Variants in PARD3B observed in about 807,000 individuals in gnomAD.
The protein encoded by PARD3B is partitioning defective 3 homolog B.
PARD3B carries 103 observed loss-of-function variants against 130.2 expected under a neutral mutation model. The observed-to-expected ratio is 0.79, with a 90% CI of 0.67 to 0.93. The LOEUF is 0.93. Among genes scored for constraint, PARD3B ranks in the 40% least tolerant of loss-of-function variants. The pLI, the probability that PARD3B is intolerant of heterozygous loss-of-function variation, is 0.00. For missense variants in PARD3B, 1,609 were observed against 1,499.2 expected, an observed-to-expected ratio of 1.07 and a Z score of -1.21; for synonymous variants, 583 against 553.2, an observed-to-expected ratio of 1.05 and a Z score of -0.76.
rs1434958134 is a variant in PARD3B at position 205,035,112 on chromosome 2, CT to C, written c.395-12468del. ...TCCTAACCTCAGGTGATCCCCCCCC[CT>C]CAGCCTCCCAAAGTGCTGGGATTAC... is the stretch of plus-strand genomic sequence containing the variant. On this transcript the variant is annotated intron_variant, in intron 3 of 22. Coordinates refer to ENST00000406610, the MANE Select transcript of PARD3B (RefSeq NM_001302769.2). Among the ~76,000 whole-genome samples, 18 of 152,214 alleles carry C rather than the reference CT, an allele frequency of 1.2e-4. No homozygotes were observed. The South Asian group carries it at 1.7e-3, about 14-fold the overall frequency.
Position 205,274,026 on chromosome 2 carries a change from C to T in PARD3B, c.2186-26504C>T, listed in dbSNP as rs1217473882. Among the ~76,000 whole-genome samples, 2 of 152,098 alleles carry T rather than the reference C, an allele frequency of 1.3e-5. No homozygotes were observed. The highest frequency in any genetic ancestry group is 2.9e-5 in the Non-Finnish European group (2 of 68,026). ...TAATTACTCTGGTTACTTCATTGCA[C>T]ATTTGAGGATTGGCTCCTGTTTTGT... On this transcript the variant is annotated intron_variant, in intron 16 of 22. Transcript: ENST00000406610. This position sits in a 1 kb window ranked among gnomAD's most constrained non-coding sequence, Gnocchi z 4.2.
chr2:205,082,260 T>C (rs1196781339), intron 4 of PARD3B, among the ~76,000 whole-genome samples: 1 of 152,144 alleles, frequency 6.6e-6, no homozygotes, highest in Non-Finnish European at 1.5e-5. Context: ...CCACAGGAAA[T>C]ACATTCCAAG....
At chr2:205,544,530 A>G (rs575166970) in intron 21 of PARD3B, among the ~76,000 whole-genome samples, 4 of 152,244 alleles carry the variant, frequency 2.6e-5, no homozygotes, top group East Asian at 1.9e-4. Context: ...CATAGTTTCT[A>G]TGGTAACTGT....
chr2:204,665,533 A>G (rs1054416261), intron 1 of PARD3B, among the ~76,000 whole-genome samples: 8 of 152,188 alleles, frequency 5.3e-5, no homozygotes, highest in Non-Finnish European at 1.0e-4. Flanking sequence ...TTTTACACAG[A>G]TCATTGAGTC....
At position 204,623,263 on chromosome 2, in the gene PARD3B, C is replaced by A. The variant is rs1445099409; in HGVS notation, c.121-62918C>A. 1.3e-5 allele frequency among the ~76,000 whole-genome samples: 2 copies of A among 152,094 alleles called. No individual in the cohort carries two copies. Among genetic ancestry groups the A allele is most frequent in the African/African-American group, 4.8e-5 (2 of 41,432 alleles). On this transcript the variant is annotated intron_variant, in intron 1 of 22. Transcript: ENST00000406610. The surrounding 1 kb of genome is among the most constrained non-coding windows in gnomAD (Gnocchi z 4.5). ...GTGTTAAATAGCTATAGGACAATATCAAAACCAGCATAAAAATCAGAATAT... is the reference window on the plus strand; with the variant it reads ...GTGTTAAATAGCTATAGGACAATATAAAAACCAGCATAAAAATCAGAATAT...
chr2:204,629,577 C>T lies in PARD3B; in HGVS notation c.121-56604C>T, dbSNP rs938297038. ...TCTGCTGCACATACTTTTGTTCTCACGAATCACTGATTTTTCCAGTAGTAT... is the reference window on the plus strand; with the variant it reads ...TCTGCTGCACATACTTTTGTTCTCATGAATCACTGATTTTTCCAGTAGTAT... On this transcript the variant is annotated intron_variant, in intron 1 of 22. Coordinates refer to ENST00000406610, the MANE Select transcript of PARD3B (RefSeq NM_001302769.2). Among the ~76,000 whole-genome samples the T allele has an allele frequency of 7.2e-5, 11 of 151,918 alleles. No individual in the cohort carries two copies. In the East Asian group the frequency reaches 7.7e-4, roughly 11 times the overall value.
At chr2:204,990,038 A>G (rs1346648775) in intron 3 of PARD3B, among the ~76,000 whole-genome samples, 3 of 152,156 alleles carry the variant, frequency 2.0e-5, no homozygotes, top group South Asian at 4.1e-4. Context: ...TCTTTAAACT[A>G]CTAAATGTAA....
rs2042310294 is a variant in PARD3B, at chr2:205,309,812, T to G, written c.2630+8111T>G. On this transcript the variant is annotated intron_variant, in intron 18 of 22. Coordinates refer to ENST00000406610, the MANE Select transcript of PARD3B (RefSeq NM_001302769.2). This position sits in a 1 kb window ranked among gnomAD's most constrained non-coding sequence, Gnocchi z 4.7. The stretch of plus-strand genomic sequence containing the variant: ...GTATAATAACACATCCTGTCCAGGT[T>G]GTTGTAAAATTTAAGTTAAACGGTT... Among the ~76,000 whole-genome samples, 3 of 152,202 alleles carry G rather than the reference T, an allele frequency of 2.0e-5. No individual in the cohort carries two copies. Among genetic ancestry groups the G allele is most frequent in the Admixed American group, 1.3e-4 (2 of 15,266 alleles).
intron 19 of PARD3B, among the ~76,000 whole-genome samples, chr2:205,437,385 G>A (rs1268014334): frequency 2.0e-5 from 3 of 152,032 alleles, no homozygotes; most frequent in Admixed American, 6.6e-5. Flanking sequence ...GCCTTTTAAG[G>A]TATATATTAA....
At chr2:205,403,651 C>G (rs1388593260) in intron 19 of PARD3B, among the ~76,000 whole-genome samples, 1 of 152,176 alleles carries the variant, frequency 6.6e-6, no homozygotes, top group African/African-American at 2.4e-5. Context: ...CCATACCAGA[C>G]TTACAGAATC....
intron 19 of PARD3B, among the ~76,000 whole-genome samples, chr2:205,404,186 C>T (rs1345428933): frequency 1.3e-5 from 2 of 152,028 alleles, no homozygotes; most frequent in African/African-American, 2.4e-5. Flanking sequence ...TTCAACCAAC[C>T]GCAGATTGAA....
At chr2:205,286,144 GT>G (rs910454003) in intron 16 of PARD3B, among the ~76,000 whole-genome samples, 4 of 151,270 alleles carry the variant, frequency 2.6e-5, no homozygotes, top group South Asian at 2.1e-4. Context: ...GAACAAAACA[GT>G]TTTTTTTTCT....
chr2:205,522,977 C>CCCATATACTATT (rs1268679924), intron 21 of PARD3B, among the ~76,000 whole-genome samples: 27 of 151,568 alleles, frequency 1.8e-4, no homozygotes, highest in Middle Eastern at 3.4e-3. Flanking sequence ...GGTTAAAATT[C>CCCATATACTATT]CCATATACTG....
At chr2:204,971,406 T>C (rs547671890) in intron 3 of PARD3B, among the ~76,000 whole-genome samples, 2 of 152,182 alleles carry the variant, frequency 1.3e-5, no homozygotes, top group Non-Finnish European at 2.9e-5. Context: ...TATAAGCATG[T>C]GAGGGTTCCT....
chr2:204,809,686 C>G, intron 2 of PARD3B, among the ~76,000 whole-genome samples: 1 of 152,092 alleles, frequency 6.6e-6, no homozygotes, highest in East Asian at 1.9e-4. Context: ...ATGCCTCCAG[C>G]TTTGTTCTTT....
intron 10 of PARD3B, among the ~76,000 whole-genome samples, chr2:205,153,941 C>G (rs2033935015): frequency 6.6e-6 from 1 of 152,136 alleles, no homozygotes; most frequent in Non-Finnish European, 1.5e-5. Flanking sequence ...AGCATAAAAA[C>G]CCTAGAAGAA....
At chr2:205,275,747 G>C (rs2040918585) in intron 16 of PARD3B, among the ~76,000 whole-genome samples, 1 of 143,590 alleles carries the variant, frequency 7.0e-6, no homozygotes, top group South Asian at 2.3e-4. Context: ...TGAGGCAAGA[G>C]AATCGCTTGA....
chr2:204,992,891 C>G (rs62173506), intron 3 of PARD3B, among the ~76,000 whole-genome samples: 132,177 of 136,840 alleles, frequency 0.97, 63,962 homozygotes, highest in East Asian at 1. Flanking sequence ...TCTGTTGGTG[C>G]TGTATAAGAA....
chr2:204,674,738 T>C (rs538968695), intron 1 of PARD3B, among the ~76,000 whole-genome samples: 2 of 152,334 alleles, frequency 1.3e-5, no homozygotes, highest in South Asian at 2.1e-4. Flanking sequence ...AGGGCCATTA[T>C]TGTTACCTGT....
Sources: allele counts gnomAD v4.1 joint callset (sites outside exome capture counted in the v4.1 genomes callset), GRCh38; gene constraint gnomAD v4.1.1; non-coding constraint Gnocchi (gnomAD v3.1); transcripts MANE v1.5; gene names NCBI Gene and HGNC (gene_info 2026-07-23, HGNC 2026-07-21).